Variants in WDR77 observed in about 807,000 individuals in gnomAD.
The protein encoded by WDR77 is methylosome protein WDR77.
WDR77 carries 31 observed loss-of-function variants against 44.0 expected under a neutral mutation model. The observed-to-expected ratio is 0.70, with a 90% confidence interval of 0.53 to 0.95. The LOEUF is 0.95. Ranked by LOEUF, WDR77 falls within the 40% of genes least tolerant of loss-of-function variation. The pLI, the probability that WDR77 is intolerant of heterozygous loss-of-function variation, is 0.00. For synonymous variants in WDR77, 186 were observed against 165.7 expected (o/e 1.12, Z -0.94); for missense variants, 390 against 423.9 (o/e 0.92, Z 0.70).
At position 111,448,530 on chromosome 1, in the gene WDR77, T is replaced by C. The variant is rs1386236511; in HGVS notation, c.301+89A>G. 1.2e-5 allele frequency: 18 copies of C among 1,511,350 alleles called. 1 individual carries two copies. In the Admixed American group the frequency reaches 2.5e-4, roughly 21 times the overall value. The allele number at this position is 1,511,350 out of a possible 1,614,324, so 93.6% of individuals were successfully genotyped here. A position where few individuals can be genotyped will look rare whatever the true frequency, so the allele number is the denominator to read the frequency against. ...CCTCCAAGCACTGAGTATAGGACGTTAGATATTGAGCTCAACCCTACGGTA... is the reference window on the plus strand; with the variant it reads ...CCTCCAAGCACTGAGTATAGGACGTCAGATATTGAGCTCAACCCTACGGTA... On this transcript the variant is annotated intron_variant, in intron 2 of 9. Transcript: ENST00000235090.
rs75410241 is a variant in WDR77, at chr1:111,449,147, G to A, written c.23C>T (p.Pro8Leu). 4.4e-6 allele frequency: 7 copies of A among 1,591,044 alleles called. No individual in the cohort carries two copies. Among genetic ancestry groups the A allele is most frequent in the African/African-American group, 2.7e-5 (2 of 74,772 alleles). Residue 8 changes from proline (P) to leucine (L), a missense_variant, in exon 1 of 10, where the codon CCC becomes CTC. Pro to Leu is a moderately conservative substitution (Grantham distance 98, BLOSUM62 -3). Transcript: ENST00000235090. ...CTCCCGGGCCGCCGGGGGCACTAGG[G>A]GGGGTGGGGTTTCCTTCCGCATCTC... MRKETPP[P>L]LVPPAAREWN... is the part of the protein sequence containing the mutation.
Position 111,447,309 on chromosome 1 carries a change from T to C in WDR77, c.443+126A>G, listed in dbSNP as rs530259706. On this transcript the variant is annotated intron_variant, in intron 3 of 9. Coordinates refer to ENST00000235090, the MANE Select transcript of WDR77 (RefSeq NM_024102.4). ...CTGCAAAATCCCTAAGGAAACCTTA[T>C]AGACATGCTAAAATAAGTCACTGGA... 84 of 1,500,978 alleles carry C rather than the reference T, an allele frequency of 5.6e-5. 1 individual carries two copies. In the South Asian group the frequency reaches 8.8e-4, roughly 16 times the overall value. The allele number at this position is 1,500,978 out of a possible 1,614,324, so 93.0% of individuals were successfully genotyped here. A position where few individuals can be genotyped will look rare whatever the true frequency, so the allele number is the denominator to read the frequency against.
intron 4 of WDR77, among the ~76,000 whole-genome samples, chr1:111,445,792 A>G (rs1037965103): frequency 6.6e-6 from 1 of 152,000 alleles, no homozygotes; most frequent in African/African-American, 2.4e-5. Flanking sequence ...TTTCCCTGAG[A>G]CAGTTTCACT....
At position 111,440,056 on chromosome 1, in the gene WDR77, A is replaced by G. The variant is rs1652743368; in HGVS notation, c.*1174T>C. ...CAAAAGTACATAATTGATTATATTT[A>G]CTTTCAATATAATCAGTAATTGATC... On this transcript the variant is annotated 3_prime_UTR_variant, in exon 10 of 10. Coordinates refer to ENST00000235090, the MANE Select transcript of WDR77 (RefSeq NM_024102.4). 1 of 152,654 alleles carries G rather than the reference A, an allele frequency of 6.6e-6. No individual in the cohort carries two copies. The highest frequency in any genetic ancestry group is 1.5e-5 in the Non-Finnish European group (1 of 68,048). The allele number at this position is 152,654 out of a possible 1,614,324, so 9.5% of individuals were successfully genotyped here. A position where few individuals can be genotyped will look rare whatever the true frequency, so the allele number is the denominator to read the frequency against.
Position 111,449,228 on chromosome 1 carries a change from C to T in WDR77, c.-59G>A, listed in dbSNP as rs1215277773. 1.3e-6 allele frequency: 2 copies of T among 1,535,122 alleles called. No homozygotes were observed. Among genetic ancestry groups the T allele is most frequent in the South Asian group, 1.2e-5 (1 of 84,116 alleles). ...TGGACGCCGGCCGGAGACTCCGCTC[C>T]GGCAGCAAACCCCACGTGGTGCACC... On this transcript the variant is annotated 5_prime_UTR_variant, in exon 1 of 10. Transcript: ENST00000235090.
chr1:111,445,518 T>C (rs528462188), intron 4 of WDR77, among the ~76,000 whole-genome samples: 25 of 152,248 alleles, frequency 1.6e-4, no homozygotes, highest in Admixed American at 1.6e-3. Flanking sequence ...CTCAGCACTT[T>C]GGGAGGCCAA....
At position 111,447,101 on chromosome 1, in the gene WDR77, A is replaced by T. The variant is rs761247074; in HGVS notation, c.487T>A (p.Tyr163Asn). Reference sequence around the variant, plus strand: ...AAAATGAAAGAATACTCACCTCGGTATGAACTCAGTACCACCTGCTGAGCA... The same window carrying T: ...AAAATGAAAGAATACTCACCTCGGTTTGAACTCAGTACCACCTGCTGAGCA... ...DLAQQVVLSS[Y>N]RAHAAQVTCV... Residue 163 changes from tyrosine to asparagine, a missense_variant, in exon 4 of 10, where the codon TAC becomes AAC. By Grantham distance (143) the Tyr-to-Asn change is moderately radical (BLOSUM62 -2). Coordinates refer to ENST00000235090, the MANE Select transcript of WDR77 (RefSeq NM_024102.4). 6.2e-7 allele frequency: 1 copy of T among 1,614,236 alleles called. No individual in the cohort carries two copies. Among genetic ancestry groups the T allele is most frequent in the South Asian group, 1.1e-5 (1 of 91,076 alleles).
chr1:111,447,605 A>G, intron 2 of WDR77, 29 bp from the exon 3 acceptor site: 1 of 1,613,668 alleles, frequency 6.2e-7, no homozygotes, highest in South Asian at 1.1e-5. Flanking sequence ...GGAAAACATG[A>G]GCTTGGATTA....
intron 4 of WDR77, 33 bp downstream of exon 4, chr1:111,447,062 T>C (rs202196065): frequency 3.0e-5 from 48 of 1,612,520 alleles, no homozygotes; most frequent in Middle Eastern, 1.6e-4. Flanking sequence ...ACACAACAGC[T>C]AACACCAGGG....
chr1:111,447,674 G>GT, intron 2 of WDR77, 98 bp from the exon 3 acceptor site: 2 of 1,420,790 alleles, frequency 1.4e-6, no homozygotes, highest in East Asian at 2.3e-5. Context: ...AATTAACAAA[G>GT]TAAGTTAGTT....
intron 5 of WDR77, 45 bp downstream of exon 5, chr1:111,444,009 A>G (rs1469370457): frequency 3.7e-6 from 6 of 1,613,504 alleles, no homozygotes; most frequent in African/African-American, 1.3e-5. Flanking sequence ...ACTTTGGCCT[A>G]TGGATGGCTG....
chr1:111,448,535 A>C, intron 2 of WDR77, 84 bp downstream of exon 2: 5 of 1,531,166 alleles, frequency 3.3e-6, no homozygotes, highest in Non-Finnish European at 4.5e-6. Context: ...GACGTTAGAT[A>C]TTGAGCTCAA....
At chr1:111,443,846 A>C in intron 6 of WDR77, 21 bp downstream of exon 6, 3 of 1,614,054 alleles carry the variant, frequency 1.9e-6, no homozygotes, top group Non-Finnish European at 2.5e-6. Context: ...CTATTCTCCC[A>C]CCAATGAATC....
intron 9 of WDR77, 136 bp from the exon 10 acceptor site, chr1:111,441,525 C>G: frequency 7.5e-7 from 1 of 1,325,340 alleles, no homozygotes; most frequent in Non-Finnish European, 9.6e-7. Context: ...GGCCTCATCG[C>G]CAGGATAGCA....
chr1:111,447,367 A>G lies in WDR77; in HGVS notation c.443+68T>C, dbSNP rs1571369638. ...AATAAGCCCAAAATGTTACCTAATG[A>G]GGTTAACAGGATAGGAAAGGCACCC... is the stretch of plus-strand genomic sequence containing the variant. On this transcript the variant is annotated intron_variant, in intron 3 of 9. Coordinates refer to ENST00000235090, the MANE Select transcript of WDR77 (RefSeq NM_024102.4). 7 of 1,594,756 alleles carry G rather than the reference A, an allele frequency of 4.4e-6. No homozygotes were observed. In the East Asian group the frequency reaches 1.6e-4, roughly 36 times the overall value.
In WDR77 at chr1:111,447,098, G is replaced by A. The variant is rs773651525; in HGVS notation, c.490C>T (p.Arg164Ter). ...CTAAAAATGAAAGAATACTCACCTC[G>A]GTATGAACTCAGTACCACCTGCTGA... The part of the protein sequence containing the change: ...LAQQVVLSSY[R>*]AHAAQVTCVA... The change falls in exon 4 of 10, where the codon CGA becomes TGA. Residue 164 changes from arginine to a stop codon, truncating the protein, a stop_gained. Coordinates refer to ENST00000235090, the MANE Select transcript of WDR77 (RefSeq NM_024102.4). LOFTEE classifies it high-confidence loss of function. The A allele has an allele frequency of 2.5e-6, 4 of 1,613,880 alleles. No homozygotes were observed. The highest frequency in any genetic ancestry group is 4.5e-5 in the East Asian group (2 of 44,898).
intron 4 of WDR77, among the ~76,000 whole-genome samples, chr1:111,444,643 A>G (rs1652951395): frequency 6.6e-6 from 1 of 152,178 alleles, no homozygotes; most frequent in Admixed American, 6.5e-5. Flanking sequence ...CCACGCTACA[A>G]TGCTCAGGGG....
chr1:111,448,937 G>A, intron 1 of WDR77, 118 bp downstream of exon 1: 2 of 1,537,784 alleles, frequency 1.3e-6, no homozygotes, highest in Non-Finnish European at 1.7e-6. Flanking sequence ...ACAGCTCGGT[G>A]ACGCGACCCA....
intron 4 of WDR77, among the ~76,000 whole-genome samples, chr1:111,445,754 A>G (rs1477193778): frequency 6.6e-6 from 1 of 152,216 alleles, no homozygotes; most frequent in Admixed American, 6.5e-5. Flanking sequence ...AAGCAAATAT[A>G]ATAGACATAG....
Sources: allele counts gnomAD v4.1 joint callset (sites outside exome capture counted in the v4.1 genomes callset), GRCh38; gene constraint gnomAD v4.1.1; transcripts MANE v1.5; gene names NCBI Gene and HGNC (gene_info 2026-07-23, HGNC 2026-07-21).